Variants in ACYP1 observed in about 807,000 individuals in gnomAD.
The protein encoded by ACYP1 is acylphosphatase-1.
In ACYP1, 8 loss-of-function variants were observed where a neutral mutation model predicts 10.4. That is an observed-to-expected ratio of 0.77 (90% confidence interval 0.45 to 1.38). The LOEUF is 1.38. ACYP1 is among the 40% of genes most tolerant of loss of function. ACYP1 has a pLI of 0.00. For synonymous variants in ACYP1, 38 were observed against 40.8 expected (o/e 0.93, Z 0.26); for missense variants, 93 against 117.3 (o/e 0.79, Z 0.96).
chr14:75,055,523 T>C (rs1048723872), intron 2 of ACYP1, among the ~76,000 whole-genome samples: 2 of 151,516 alleles, frequency 1.3e-5, no homozygotes, highest in African/African-American at 4.9e-5. Context: ...TATTGACTCA[T>C]GTTCAGTTTT....
chr14:75,069,083 TATA>T, intron 1 of ACYP1: 1 of 972,598 alleles, frequency 1.0e-6, no homozygotes, highest in Non-Finnish European at 1.5e-6. Context: ...AGTAAAACAT[TATA>T]ATATCAAAAT....
chr14:75,061,573 G>A, intron 2 of ACYP1: 1 of 524,418 alleles, frequency 1.9e-6, no homozygotes, highest in South Asian at 4.1e-5. Flanking sequence ...GGGGAGAGGG[G>A]CAGGTAGAGA....
intron 2 of ACYP1, 55 bp from the exon 3 acceptor site, chr14:75,053,714 G>A (rs1201973179): frequency 2.0e-6 from 3 of 1,520,096 alleles, no homozygotes; most frequent in Non-Finnish European, 2.7e-6. Flanking sequence ...AACAAGGTAA[G>A]ACTACAATCT....
chr14:75,055,339 G>T (rs946884574), intron 2 of ACYP1, among the ~76,000 whole-genome samples: 1 of 151,022 alleles, frequency 6.6e-6, no homozygotes, highest in Admixed American at 6.6e-5. Flanking sequence ...CGCCTGCCTC[G>T]GCCTCCCAAA....
chr14:75,060,990 C>T (rs185713844), intron 2 of ACYP1, among the ~76,000 whole-genome samples: 1 of 152,004 alleles, frequency 6.6e-6, no homozygotes, highest in Non-Finnish European at 1.5e-5. Context: ...TCACTTGAAC[C>T]CAGGAGGCAG....
intron 2 of ACYP1, among the ~76,000 whole-genome samples, chr14:75,058,791 C>T (rs568034401): frequency 6.8e-6 from 1 of 146,148 alleles, no homozygotes; most frequent in Non-Finnish European, 1.5e-5. Context: ...GCTGGGACAA[C>T]TGGATATTCA....
At chr14:75,060,171 C>G in intron 2 of ACYP1, 1 of 626,566 alleles carries the variant, frequency 1.6e-6, no homozygotes, top group East Asian at 2.8e-5. Flanking sequence ...TTGGGATTTT[C>G]CAGTTATCCT....
At chr14:75,062,288 G>C (rs1462483326) in intron 2 of ACYP1, among the ~76,000 whole-genome samples, 1 of 150,342 alleles carries the variant, frequency 6.7e-6, no homozygotes, top group Non-Finnish European at 1.5e-5. Context: ...AAAAAAAGCT[G>C]GGTGTGGCGG....
chr14:75,057,988 A>AAAAAC (rs59726466), intron 2 of ACYP1, among the ~76,000 whole-genome samples: 1 of 147,118 alleles, frequency 6.8e-6, no homozygotes, highest in African/African-American at 2.5e-5. Context: ...AAAAAAAAAA[A>AAAAAC]GAACTACCTG....
chr14:75,068,106 A>G (rs1893183352), upstream of ACYP1, among the ~76,000 whole-genome samples: 1 of 152,058 alleles, frequency 6.6e-6, no homozygotes, highest in Non-Finnish European at 1.5e-5. Context: ...CCTGGCCAAC[A>G]TGGTGAAACT....
chr14:75,054,187 C>T (rs1459510616), intron 2 of ACYP1, among the ~76,000 whole-genome samples: 3 of 152,128 alleles, frequency 2.0e-5, no homozygotes, highest in South Asian at 2.1e-4. Flanking sequence ...CAACTCATCC[C>T]GTTGTTCTTA....
upstream of ACYP1, among the ~76,000 whole-genome samples, chr14:75,065,926 C>T (rs766684567): frequency 6.2e-4 from 94 of 152,158 alleles, no homozygotes; most frequent in Non-Finnish European, 7.6e-4. Flanking sequence ...GTATGTGGAG[C>T]TTAGAGTAAT....
At chr14:75,059,536 T>C in intron 2 of ACYP1, among the ~76,000 whole-genome samples, 1 of 152,140 alleles carries the variant, frequency 6.6e-6, no homozygotes, top group East Asian at 1.9e-4. Flanking sequence ...ATGGGAGAAA[T>C]ATTTGTATAT....
intron 2 of ACYP1, among the ~76,000 whole-genome samples, chr14:75,059,054 TG>T (rs1892953465): frequency 6.6e-6 from 1 of 150,874 alleles, no homozygotes; most frequent in Admixed American, 6.6e-5. Flanking sequence ...AAAAATTAGT[TG>T]GGCGTGATAT....
intron 2 of ACYP1, chr14:75,060,099 CTA>C (rs1892980801): frequency 1.2e-5 from 6 of 497,286 alleles, no homozygotes; most frequent in Non-Finnish European, 1.8e-5. Flanking sequence ...ACAATAATTT[CTA>C]TGTTATATGT....
chr14:75,061,988 C>T (rs1173583669), intron 2 of ACYP1, among the ~76,000 whole-genome samples: 1 of 149,520 alleles, frequency 6.7e-6, no homozygotes, highest in Admixed American at 6.8e-5. Context: ...GTAATCTCAG[C>T]TACTTGGGAA....
chr14:75,058,995 C>G (rs1042336343), intron 2 of ACYP1, among the ~76,000 whole-genome samples: 4 of 151,048 alleles, frequency 2.6e-5, no homozygotes, highest in African/African-American at 9.7e-5. Flanking sequence ...GTCAGGAGTT[C>G]GAGACCAGTC....
At position 75,063,495 on chromosome 14, in the gene ACYP1, C is replaced by G. The variant is rs1408414999; in HGVS notation, c.59G>C (p.Gly20Ala). 1 of 1,613,932 alleles carries G rather than the reference C, an allele frequency of 6.2e-7. No homozygotes were observed. The highest frequency in any genetic ancestry group is 8.5e-7 in the Non-Finnish European group (1 of 1,179,910). Residue 20 changes from glycine to alanine, a missense_variant, in exon 2 of 3, where the codon GGG becomes GCG. By Grantham distance (60) the Gly-to-Ala change is moderately conservative (BLOSUM62 0). Coordinates refer to ENST00000238618, the MANE Select transcript of ACYP1 (RefSeq NM_001107.5). ...VDYEIFGKVQ[G>A]VFFRKHTQAE... ...CTGAGTATGCTTACGGAAAAACACC[C>G]CTTGCACCTTCCCAAAAATTTCATA...
At chr14:75,067,934 G>A (rs999667766), upstream of ACYP1, among the ~76,000 whole-genome samples, 1 of 152,126 alleles carries the variant, frequency 6.6e-6, no homozygotes, top group Non-Finnish European at 1.5e-5. Context: ...TGGAAGTTGA[G>A]GCTCCAGTGA....
Sources: gnomAD v4.1 joint callset for allele counts (sites outside exome capture counted in the v4.1 genomes callset) on GRCh38, gnomAD v4.1.1 for gene constraint, MANE v1.5 for transcripts, NCBI Gene and HGNC (gene_info 2026-07-23, HGNC 2026-07-21) for gene names.